The following ATP2B4 variants were observed in gnomAD, a reference collection of about 807,000 sequenced individuals.
ATP2B4 encodes the protein plasma membrane calcium-transporting ATPase 4.
A neutral mutation model predicts 110.3 loss-of-function variants in ATP2B4; 39 were observed. The observed-to-expected ratio is 0.35, with a 90% confidence interval of 0.27 to 0.46. The LOEUF is 0.46. Among genes scored for constraint, ATP2B4 ranks in the 20% least tolerant of loss-of-function variants. The pLI, the probability that ATP2B4 is intolerant of heterozygous loss-of-function variation, is 1.00. For missense variants in ATP2B4, 1,135 were observed against 1,530.9 expected (o/e 0.74, Z 4.32); for synonymous variants, 538 against 571.7 (o/e 0.94, Z 0.84).
rs1241402041 is a variant in ATP2B4 at position 203,744,024 on chromosome 1, GAT to G, written c.*4171_*4172del. On this transcript the variant is annotated 3_prime_UTR_variant, in exon 21 of 21. Transcript: ENST00000357681. ...GTTGGAGCCAATAAAGCTTTTTGCTGATGAACAGAAACCAATACTGCTGTGCA... is the reference window on the plus strand; with the variant it reads ...GTTGGAGCCAATAAAGCTTTTTGCTGGAACAGAAACCAATACTGCTGTGCA... The G allele has an allele frequency of 2.6e-5, 4 of 152,724 alleles. No homozygotes were observed. The East Asian group carries it at 5.8e-4, about 22-fold the overall frequency. The allele number at this position is 152,724 out of a possible 1,614,324, so 9.5% of individuals were successfully genotyped here.
chr1:203,662,615 G>T (rs1270816450), intron 1 of ATP2B4, among the ~76,000 whole-genome samples: 4 of 152,116 alleles, frequency 2.6e-5, no homozygotes, highest in African/African-American at 9.7e-5. Flanking sequence ...TGTTTTCAAG[G>T]TTCATCCGTG....
chr1:203,650,518 G>T (rs951844548), intron 1 of ATP2B4, among the ~76,000 whole-genome samples: 1 of 152,202 alleles, frequency 6.6e-6, no homozygotes. Flanking sequence ...AGGCCTCCAG[G>T]GCTAAGGCGT....
intron 2 of ATP2B4, among the ~76,000 whole-genome samples, chr1:203,686,594 AGGACTCCTAACACT>A (rs1253210012): frequency 7.0e-6 from 1 of 142,236 alleles, no homozygotes; most frequent in Non-Finnish European, 1.5e-5. Context: ...CCTGTAGCCT[AGGACTCCTAACACT>A]GGCACAATTT....
rs1359921032 is a variant in ATP2B4 at position 203,740,580 on chromosome 1, G to C, written c.*726G>C. On this transcript the variant is annotated 3_prime_UTR_variant, in exon 21 of 21. Coordinates refer to ENST00000357681, the MANE Select transcript of ATP2B4 (RefSeq NM_001684.5). ...ATCCAACCAGTTTCTTTGTTAAAAGGGTCCTTTTGAAGCAATTAAGTGCTG... is the reference window on the plus strand; with the variant it reads ...ATCCAACCAGTTTCTTTGTTAAAAGCGTCCTTTTGAAGCAATTAAGTGCTG... The C allele has an allele frequency of 1.3e-5, 2 of 152,044 alleles. No individual in the cohort carries two copies. The highest frequency in any genetic ancestry group is 2.1e-4 in the South Asian group (1 of 4,804). 9.4% of individuals were successfully genotyped at this position (152,044 alleles called of 1,614,324 possible).
chr1:203,683,276 G>A lies in ATP2B4; in HGVS notation c.71G>A (p.Cys24Tyr), dbSNP rs2102361858. Reference protein sequence around the residue: ...MAESREGDFGCTVMELRKLME... With the variant: ...MAESREGDFGYTVMELRKLME... Reference sequence around the variant, plus strand: ...GAGAGCCGTGAAGGGGACTTTGGCTGCACAGTAATGGAACTGAGGAAGCTC... The same window carrying A: ...GAGAGCCGTGAAGGGGACTTTGGCTACACAGTAATGGAACTGAGGAAGCTC... Residue 24 changes from cysteine to tyrosine, a missense_variant, in exon 2 of 21, where the codon TGC becomes TAC. Transcript: ENST00000357681. 1.2e-6 allele frequency: 2 copies of A among 1,614,234 alleles called. No homozygotes were observed. Among genetic ancestry groups the A allele is most frequent in the Admixed American group, 1.7e-5 (1 of 60,032 alleles).
intron 15 of ATP2B4, among the ~76,000 whole-genome samples, chr1:203,717,625 A>ATTTT (rs377440880): frequency 6.3e-4 from 55 of 86,778 alleles, no homozygotes; most frequent in African/African-American, 2.2e-3. Flanking sequence ...AATGGTATTT[A>ATTTT]TTTTATTTAT....
intron 20 of ATP2B4, among the ~76,000 whole-genome samples, chr1:203,728,498 C>A (rs1370986798): frequency 6.6e-6 from 1 of 152,198 alleles, no homozygotes; most frequent in East Asian, 1.9e-4. Flanking sequence ...TTTCTCTCTG[C>A]TGATTGGCTA....
intron 15 of ATP2B4, among the ~76,000 whole-genome samples, chr1:203,719,437 C>T (rs555197596): frequency 4.6e-5 from 7 of 151,904 alleles, no homozygotes; most frequent in East Asian, 1.9e-4. Flanking sequence ...AGTCTGGGCA[C>T]GGTGGCACAT....
At chr1:203,699,403 A>G in intron 3 of ATP2B4, 57 bp from the exon 4 acceptor site, 1 of 1,597,648 alleles carries the variant, frequency 6.3e-7, no homozygotes, top group Non-Finnish European at 8.5e-7. Flanking sequence ...CACTACTCCT[A>G]TTTCTTAATG....
At chr1:203,700,767 A>C (rs768976012) in intron 5 of ATP2B4, 31 bp from the exon 6 acceptor site, 4 of 1,611,000 alleles carry the variant, frequency 2.5e-6, no homozygotes, top group Non-Finnish European at 1.7e-6. Flanking sequence ...TAAAAAACCC[A>C]TTCCTTCCCA....
intron 1 of ATP2B4, among the ~76,000 whole-genome samples, chr1:203,679,274 A>G (rs1370764630): frequency 6.6e-6 from 1 of 152,204 alleles, no homozygotes; most frequent in Non-Finnish European, 1.5e-5. Flanking sequence ...CAGCAGTTGC[A>G]GAGAACTCAT....
At chr1:203,726,178 G>A (rs1666510224) in intron 19 of ATP2B4, among the ~76,000 whole-genome samples, 1 of 151,852 alleles carries the variant, frequency 6.6e-6, no homozygotes, top group Non-Finnish European at 1.5e-5. Context: ...GGAGTGCAAT[G>A]AGCTGAGATC....
At chr1:203,733,446 A>G in intron 20 of ATP2B4, 1 of 1,516,290 alleles carries the variant, frequency 6.6e-7, no homozygotes. Context: ...AAATGACCAC[A>G]AGAGAGCACG....
chr1:203,633,785 A>AT (rs1276697704), intron 1 of ATP2B4, among the ~76,000 whole-genome samples: 2 of 151,964 alleles, frequency 1.3e-5, no homozygotes, highest in Non-Finnish European at 2.9e-5. Context: ...TAATGACAAG[A>AT]TTTTTCTTTA....
intron 8 of ATP2B4, among the ~76,000 whole-genome samples, chr1:203,704,521 C>T (rs1410879903): frequency 8.5e-6 from 1 of 118,170 alleles, no homozygotes; most frequent in East Asian, 2.6e-4. Context: ...TCCTCTGTTG[C>T]CCAGGATGGA....
chr1:203,668,117 G>C (rs901874329), intron 1 of ATP2B4, among the ~76,000 whole-genome samples: 2 of 152,172 alleles, frequency 1.3e-5, no homozygotes, highest in East Asian at 3.8e-4. Context: ...GTCACCAGGG[G>C]TTGGATTTTA....
intron 20 of ATP2B4, chr1:203,733,350 A>C: frequency 6.2e-7 from 1 of 1,614,130 alleles, no homozygotes; most frequent in Non-Finnish European, 8.5e-7. Context: ...GCACCAGTCA[A>C]ATCTTCCCCC....
chr1:203,680,870 A>G (rs1474439180), intron 1 of ATP2B4, among the ~76,000 whole-genome samples: 1 of 152,210 alleles, frequency 6.6e-6, no homozygotes, highest in African/African-American at 2.4e-5. Context: ...CAGAAAAGGT[A>G]AAATCCTCTG....
chr1:203,667,207 C>T (rs1345226725), intron 1 of ATP2B4, among the ~76,000 whole-genome samples: 1 of 152,314 alleles, frequency 6.6e-6, no homozygotes, highest in Admixed American at 6.5e-5. Flanking sequence ...CCACCTCAGC[C>T]TCCCACAATG....
Sources: allele counts gnomAD v4.1 joint callset (sites outside exome capture counted in the v4.1 genomes callset), GRCh38; gene constraint gnomAD v4.1.1; transcripts MANE v1.5; gene names NCBI Gene and HGNC (gene_info 2026-07-23, HGNC 2026-07-21).